The following LPA variants were observed in gnomAD, a reference collection of about 807,000 sequenced individuals.
LPA encodes the protein lipoprotein(a).
In LPA, 199 loss-of-function variants were observed where a neutral mutation model predicts 197.9. The ratio of observed to expected loss-of-function variants is 1.01; its 90% CI spans 0.90 to 1.13. The LOEUF (loss-of-function observed/expected upper bound fraction) is 1.13. Ranked by LOEUF, LPA falls within the 50% of genes most tolerant of loss-of-function variation. LPA has a pLI of 0.00. For synonymous variants in LPA, 715 were observed against 639.5 expected (o/e 1.12, Z -1.78); for missense variants, 1,853 against 1,785.8 (o/e 1.04, Z -0.68).
rs1419694185 is a variant in LPA at position 160,589,654 on chromosome 6, A to G, written c.3846T>C (p.Tyr1282=). The change falls in exon 24 of 39, where the codon TAT becomes TAC. Residue 1282 remains tyrosine, a synonymous_variant. Coordinates refer to ENST00000316300, the MANE Select transcript of LPA (RefSeq NM_005577.4). ...TAACAGTGGTGGAGAATGAGCCTCG[A>G]TAACTCTGTCCATCACCATGGTAGC... ...QDCYHGDGQS[Y]RGSFSTTVTG... is the part of the protein sequence containing the mutation. The G allele has an allele frequency of 6.2e-7, 1 of 1,613,862 alleles. No individual in the cohort carries two copies. Among genetic ancestry groups the G allele is most frequent in the Non-Finnish European group, 8.5e-7 (1 of 1,179,876 alleles).
intron 1 of LPA, among the ~76,000 whole-genome samples, chr6:160,660,744 T>C (rs1008872994): frequency 6.6e-6 from 1 of 151,940 alleles, no homozygotes; most frequent in African/African-American, 2.4e-5. Context: ...CTAAATTATG[T>C]TCTCATCTTG....
chr6:160,591,014 G>A lies in LPA; in HGVS notation c.3717C>T (p.Tyr1239=), dbSNP rs372598471. 8.2e-5 allele frequency: 133 copies of A among 1,613,986 alleles called. No individual in the cohort carries two copies. In the African/African-American group the frequency reaches 1.4e-3, roughly 17 times the overall value. ...YTMDPNVRWE[Y]CNLTQCPVTE... The stretch of plus-strand genomic sequence containing the variant: ...TCACTGGACATTGTGTCAGGTTGCA[G>A]TACTCCCATCTGACATTGGGATCCA... The change falls in exon 23 of 39, where the codon TAC becomes TAT. Residue 1239 remains tyrosine (Y), a synonymous_variant. Transcript: ENST00000316300.
intron 18 of LPA, among the ~76,000 whole-genome samples, chr6:160,602,968 G>A (rs966194422): frequency 6.7e-6 from 1 of 149,338 alleles, no homozygotes; most frequent in Non-Finnish European, 1.5e-5. Context: ...ACTGTTGAAC[G>A]GTGATGTACA....
chr6:160,567,564 C>T (rs1383392262), intron 28 of LPA, among the ~76,000 whole-genome samples: 1 of 152,088 alleles, frequency 6.6e-6, no homozygotes. Flanking sequence ...AATTGACACC[C>T]TAACATCACC....
At position 160,606,596 on chromosome 6, in the gene LPA, C is replaced by T; in HGVS notation, c.2666G>A (p.Arg889Lys). 6.2e-7 allele frequency: 1 copy of T among 1,613,908 alleles called. No homozygotes were observed. Among genetic ancestry groups the T allele is most frequent in the Non-Finnish European group, 8.5e-7 (1 of 1,179,952 alleles). The change falls in exon 17 of 39, where the codon AGG (arginine) becomes AAG (lysine). Residue 889 changes from arginine (R) to lysine (K), a missense_variant. Arg to Lys is a conservative substitution (Grantham distance 26, BLOSUM62 2). This residue lies in a region of LPA where 1,737 missense variants were observed against 1,504.4 expected (regional missense o/e 1.15). Coordinates refer to ENST00000316300, the MANE Select transcript of LPA (RefSeq NM_005577.4). ...GTACTCCCACCTGACACTGGGATCC[C>T]TCGTATAACAATAAGGGGCTGCCAC... is the stretch of plus-strand genomic sequence containing the variant. ...DPVAAPYCYT[R>K]DPSVRWEYCN... is the part of the protein sequence containing the mutation.
At chr6:160,538,199 G>T (rs1365511117) in intron 36 of LPA, among the ~76,000 whole-genome samples, 1 of 152,218 alleles carries the variant, frequency 6.6e-6, no homozygotes, top group Non-Finnish European at 1.5e-5. Flanking sequence ...GAAACTGAGG[G>T]TGGCCTTAGC....
chr6:160,659,597 C>T (rs1037770175), intron 1 of LPA, among the ~76,000 whole-genome samples: 3 of 152,222 alleles, frequency 2.0e-5, no homozygotes, highest in Non-Finnish European at 4.4e-5. Flanking sequence ...CCTTCTTTCT[C>T]AAGCCCAAGG....
intron 2 of LPA, among the ~76,000 whole-genome samples, chr6:160,646,633 C>T (rs1422166301): frequency 2.7e-5 from 3 of 112,686 alleles, no homozygotes; most frequent in South Asian, 3.7e-4. Flanking sequence ...AAGTAGCAAA[C>T]GCTTCTTAGA....
At chr6:160,546,205 C>T (rs1038510213) in intron 32 of LPA, among the ~76,000 whole-genome samples, 18 of 152,168 alleles carry the variant, frequency 1.2e-4, no homozygotes, top group African/African-American at 4.3e-4. Flanking sequence ...ACCCTCCAAC[C>T]TCCAGGGAGG....
intron 28 of LPA, among the ~76,000 whole-genome samples, chr6:160,576,340 GTATATATATA>G (rs71542980): frequency 5.0e-5 from 2 of 40,394 alleles, no homozygotes; most frequent in African/African-American, 1.9e-4. Flanking sequence ...GTGTGTGTGT[GTATATATATA>G]TATATATATA....
chr6:160,599,056 C>G (rs1364931837), intron 20 of LPA, among the ~76,000 whole-genome samples: 2 of 152,164 alleles, frequency 1.3e-5, no homozygotes, highest in African/African-American at 4.8e-5. Flanking sequence ...TAAAAAATGT[C>G]TTCTCAGCCA....
chr6:160,560,617 C>A (rs1778344427), intron 28 of LPA, among the ~76,000 whole-genome samples: 1 of 152,052 alleles, frequency 6.6e-6, no homozygotes, highest in East Asian at 1.9e-4. Context: ...ATATCCTTTG[C>A]CCACTTTTTG....
At chr6:160,586,717 T>C (rs1309523686) in intron 24 of LPA, 87 bp from the exon 25 acceptor site, 3 of 1,580,576 alleles carry the variant, frequency 1.9e-6, no homozygotes, top group African/African-American at 2.7e-5. Flanking sequence ...TGTAACAAAG[T>C]GTAAACAAGC....
At chr6:160,551,317 C>T (rs1778163345) in intron 30 of LPA, among the ~76,000 whole-genome samples, 1 of 152,108 alleles carries the variant, frequency 6.6e-6, no homozygotes, top group Admixed American at 6.5e-5. Context: ...TTTTCAGGTG[C>T]TTATTGGCTA....
chr6:160,580,861 C>T (rs1299767999), intron 26 of LPA, among the ~76,000 whole-genome samples: 1 of 152,108 alleles, frequency 6.6e-6, no homozygotes, highest in Non-Finnish European at 1.5e-5. Flanking sequence ...GTGTTACTTA[C>T]TTATTTATTT....
intron 28 of LPA, among the ~76,000 whole-genome samples, chr6:160,562,598 G>A (rs1337270863): frequency 6.6e-6 from 1 of 152,234 alleles, no homozygotes; most frequent in African/African-American, 2.4e-5. Flanking sequence ...GAGTTAGGCA[G>A]GAGTCCCTCT....
chr6:160,660,810 C>T (rs1321196), intron 1 of LPA, among the ~76,000 whole-genome samples: 93,151 of 151,896 alleles, frequency 0.61, 28,700 homozygotes, highest in Middle Eastern at 0.68. Flanking sequence ...ACAAAGAAGG[C>T]CATTTTTGTA....
chr6:160,556,080 A>G lies in LPA; in HGVS notation c.4918T>C (p.Trp1640Arg), dbSNP rs889335800. 8.7e-6 allele frequency: 14 copies of G among 1,613,628 alleles called. No individual in the cohort carries two copies. The Admixed American group carries it at 1.5e-4, about 17-fold the overall frequency. Residue 1640 changes from tryptophan (W) to arginine (R), a missense_variant, in exon 30 of 39, where the codon TGG becomes CGG. By Grantham distance (101) the Trp-to-Arg change is moderately radical. This residue lies in a region of LPA where 1,737 missense variants were observed against 1,504.4 expected (regional missense o/e 1.15). Transcript: ENST00000316300. ...TTVTGRTCQSWSSMTPHRHQR... is the reference protein window; with the variant it reads ...TTVTGRTCQSRSSMTPHRHQR... ...TGCCGGTGTGGTGTCATGGATGACC[A>G]AGATTGACATGTCCTTCCTGTGACA...
Position 160,585,218 on chromosome 6 carries a change from G to T in LPA, c.4130-13C>A, listed in dbSNP as rs766996232. ...TTTTCAGTTGGTGCTGAAATTAAAAGAGAAAATCAAGCTCAGTATTGCCTA... is the reference window on the plus strand; with the variant it reads ...TTTTCAGTTGGTGCTGAAATTAAAATAGAAAATCAAGCTCAGTATTGCCTA... On this transcript the variant is annotated splice_polypyrimidine_tract_variant and intron_variant, in intron 25 of 38. Coordinates refer to ENST00000316300, the MANE Select transcript of LPA (RefSeq NM_005577.4). 6.2e-7 allele frequency: 1 copy of T among 1,613,520 alleles called. No homozygotes were observed. Among genetic ancestry groups the T allele is most frequent in the Admixed American group, 1.7e-5 (1 of 59,986 alleles).
Sources: allele counts gnomAD v4.1 joint callset (sites outside exome capture counted in the v4.1 genomes callset), GRCh38; gene constraint gnomAD v4.1.1; regional missense constraint gnomAD v4.1.1; transcripts MANE v1.5; gene names NCBI Gene and HGNC (gene_info 2026-07-23, HGNC 2026-07-21).